TMEFF2: variants seen among roughly 807,000 people sequenced by gnomAD.
The protein encoded by TMEFF2 is tomoregulin-2.
Under a neutral mutation model 53.8 loss-of-function variants are expected in TMEFF2, and 28 were observed. That is an observed-to-expected ratio of 0.52 (90% CI 0.39 to 0.71). The LOEUF is 0.71. Ranked by LOEUF, TMEFF2 falls within the 30% of genes least tolerant of loss-of-function variation. The pLI is 0.00. For synonymous variants in TMEFF2, 162 were observed against 166.3 expected (o/e 0.97, Z 0.20); for missense variants, 353 against 455.2 (o/e 0.78, Z 2.04).
At chr2:192,040,757 A>C (rs1012075980) in intron 5 of TMEFF2, among the ~76,000 whole-genome samples, 1 of 152,174 alleles carries the variant, frequency 6.6e-6, no homozygotes, top group Non-Finnish European at 1.5e-5. Context: ...AATGAAGTCC[A>C]GTTGTAGCAT....
At chr2:192,010,494 G>A (rs1686601443) in intron 5 of TMEFF2, among the ~76,000 whole-genome samples, 3 of 151,514 alleles carry the variant, frequency 2.0e-5, no homozygotes, top group African/African-American at 7.2e-5. Context: ...GGTCAAAGGT[G>A]TTTGGAGGTC....
chr2:192,000,354 C>T lies in TMEFF2; in HGVS notation c.537-1146G>A, dbSNP rs572701913. On this transcript the variant is annotated intron_variant, in intron 5 of 9. Coordinates refer to ENST00000272771, the MANE Select transcript of TMEFF2 (RefSeq NM_016192.4). ...TCAACATGTATTGCTTTATTTAATC[C>T]TCACAACAGCTGTTTTACAGACCAA... Among the ~76,000 whole-genome samples, 21 of 152,156 alleles carry T rather than the reference C, an allele frequency of 1.4e-4. No individual in the cohort carries two copies. In the South Asian group the frequency reaches 2.3e-3, roughly 17 times the overall value.
intron 4 of TMEFF2, among the ~76,000 whole-genome samples, chr2:192,127,678 G>T (rs889757377): frequency 4.1e-3 from 8 of 1,956 alleles, no homozygotes; most frequent in African/African-American, 4.6e-3. Flanking sequence ...GTACAATTAT[G>T]TAACTGTTTG....
chr2:192,001,775 T>C (rs914416489), intron 5 of TMEFF2, among the ~76,000 whole-genome samples: 4 of 152,202 alleles, frequency 2.6e-5, no homozygotes, highest in Non-Finnish European at 2.9e-5. Flanking sequence ...TCTGCCATGA[T>C]TGTGAGGCCT....
In TMEFF2 at chr2:191,950,229, T is replaced by TAG; in HGVS notation, c.*81_*82insCT. ...AAATGCAAGGCAACATGTGTAGATC[T>TAG]CTTGTCTTATTCTTTTGTCTATAAT... On this transcript the variant is annotated 3_prime_UTR_variant, in exon 10 of 10. Transcript: ENST00000272771. The TAG allele has an allele frequency of 6.3e-7, 1 of 1,585,250 alleles. No individual in the cohort carries two copies. The highest frequency in any genetic ancestry group is 1.2e-5 in the South Asian group (1 of 85,526).
At chr2:192,157,380 A>C (rs1469114619) in intron 4 of TMEFF2, among the ~76,000 whole-genome samples, 1 of 152,018 alleles carries the variant, frequency 6.6e-6, no homozygotes, top group Admixed American at 6.6e-5. Flanking sequence ...CGTATTACTT[A>C]GATTGTTATA....
chr2:192,133,750 T>G (rs529092756), intron 4 of TMEFF2, among the ~76,000 whole-genome samples: 1 of 152,328 alleles, frequency 6.6e-6, no homozygotes, highest in South Asian at 2.1e-4. Context: ...CCCATCAGGC[T>G]CAGCAGATTA....
chr2:191,984,938 T>C (rs543895159), intron 7 of TMEFF2, among the ~76,000 whole-genome samples: 13 of 152,172 alleles, frequency 8.5e-5, no homozygotes, highest in Non-Finnish European at 1.8e-4. Context: ...TATTACCCAG[T>C]TAATATACTG....
At chr2:192,042,659 T>A (rs1285374817) in intron 5 of TMEFF2, among the ~76,000 whole-genome samples, 1 of 152,224 alleles carries the variant, frequency 6.6e-6, no homozygotes, top group Non-Finnish European at 1.5e-5. Flanking sequence ...ATATTTAATA[T>A]TGCATTTAAT....
At chr2:192,132,378 C>T (rs1486477150) in intron 4 of TMEFF2, among the ~76,000 whole-genome samples, 2 of 152,058 alleles carry the variant, frequency 1.3e-5, no homozygotes, top group Admixed American at 6.6e-5. Context: ...ATGGCTCGTT[C>T]GGCAGCAACC....
At chr2:191,961,068 A>G (rs7584024) in intron 7 of TMEFF2, among the ~76,000 whole-genome samples, 96,147 of 151,874 alleles carry the variant, frequency 0.63, 34,018 homozygotes, top group East Asian at 0.91. Flanking sequence ...GTAGAGAAAT[A>G]GAGATATTAT....
chr2:192,175,465 A>C (rs1691018196), intron 4 of TMEFF2, among the ~76,000 whole-genome samples: 1 of 151,632 alleles, frequency 6.6e-6, no homozygotes, highest in Admixed American at 6.6e-5. Context: ...ACCATATGTC[A>C]ACTGATTTTC....
intron 5 of TMEFF2, among the ~76,000 whole-genome samples, chr2:192,048,347 TTA>T (rs2105893359): frequency 8.2e-6 from 1 of 122,354 alleles, no homozygotes; most frequent in African/African-American, 3.4e-5. Flanking sequence ...TAAAATATTA[TTA>T]GATTCTCATA....
intron 5 of TMEFF2, among the ~76,000 whole-genome samples, chr2:192,019,267 TAATA>T (rs1379818054): frequency 6.6e-6 from 1 of 152,050 alleles, no homozygotes; most frequent in African/African-American, 2.4e-5. Flanking sequence ...TAAAAGATGG[TAATA>T]AATTACTCAA....
chr2:191,975,091 TGAA>T (rs1212955031), intron 7 of TMEFF2, among the ~76,000 whole-genome samples: 2 of 151,320 alleles, frequency 1.3e-5, no homozygotes, highest in African/African-American at 2.4e-5. Context: ...AAAAAAATCA[TGAA>T]GAATTTTGAT....
chr2:192,004,615 T>TA (rs1686453966), intron 5 of TMEFF2, among the ~76,000 whole-genome samples: 1 of 152,062 alleles, frequency 6.6e-6, no homozygotes, highest in South Asian at 2.1e-4. Flanking sequence ...ACCCCGTCTC[T>TA]AAATAAATAA....
At chr2:192,131,654 G>A (rs543341888) in intron 4 of TMEFF2, among the ~76,000 whole-genome samples, 3 of 152,096 alleles carry the variant, frequency 2.0e-5, no homozygotes, top group African/African-American at 7.2e-5. Context: ...CCTTCTCCGT[G>A]TCTCTACTCT....
At position 192,081,104 on chromosome 2, in the gene TMEFF2, C is replaced by T. The variant is rs753066039; in HGVS notation, c.440-23329G>A. On this transcript the variant is annotated intron_variant, in intron 4 of 9. Coordinates refer to ENST00000272771, the MANE Select transcript of TMEFF2 (RefSeq NM_016192.4). ...ATCTTGTAACAGGTATTTTCGGATG[C>T]AATACTAGGGACTATCCAAAACACA... Among the ~76,000 whole-genome samples the T allele has an allele frequency of 2.6e-5, 4 of 152,180 alleles. No homozygotes were observed. In the South Asian group the frequency reaches 8.3e-4, roughly 32 times the overall value.
At chr2:192,125,139 A>T (rs191498077) in intron 4 of TMEFF2, among the ~76,000 whole-genome samples, 3 of 152,320 alleles carry the variant, frequency 2.0e-5, no homozygotes, top group East Asian at 1.9e-4. Flanking sequence ...TTATATTTTT[A>T]AAAGTTTTCT....
Sources: allele counts gnomAD v4.1 joint callset (sites outside exome capture counted in the v4.1 genomes callset), GRCh38; gene constraint gnomAD v4.1.1; transcripts MANE v1.5; gene names NCBI Gene and HGNC (gene_info 2026-07-23, HGNC 2026-07-21).